Variants in PACSIN2 observed in about 807,000 individuals in gnomAD.
PACSIN2 encodes protein kinase C and casein kinase substrate in neurons 2, also known as protein kinase C and casein kinase substrate in neurons protein 2.
Under a neutral mutation model 63.8 loss-of-function variants are expected in PACSIN2, and 25 were observed. That is an observed-to-expected ratio of 0.39 (90% CI 0.29 to 0.55). The LOEUF is 0.55. Among genes scored for constraint, PACSIN2 ranks in the 20% least tolerant of loss-of-function variants. The pLI, the probability that PACSIN2 is intolerant of heterozygous loss-of-function variation, is 0.62. For missense variants in PACSIN2, 518 were observed against 646.9 expected (o/e 0.80, Z 2.16); for synonymous variants, 255 against 256.2 (o/e 1.00, Z 0.05).
At chr22:42,914,185 TCA>T (rs779124792) in intron 1 of PACSIN2, among the ~76,000 whole-genome samples, 1 of 152,150 alleles carries the variant, frequency 6.6e-6, no homozygotes, top group Non-Finnish European at 1.5e-5. Context: ...CCACTAGGAT[TCA>T]CAGAGGCTGG....
At chr22:42,949,548 C>T (rs979627399) in intron 1 of PACSIN2, among the ~76,000 whole-genome samples, 1 of 152,138 alleles carries the variant, frequency 6.6e-6, no homozygotes, top group Non-Finnish European at 1.5e-5. Context: ...AAATTAATGA[C>T]AATTCTTATT....
intron 1 of PACSIN2, among the ~76,000 whole-genome samples, chr22:42,921,399 A>G (rs1932188288): frequency 6.7e-6 from 1 of 149,464 alleles, no homozygotes; most frequent in Non-Finnish European, 1.5e-5. Flanking sequence ...CTGCATTTGG[A>G]GCCAAGCCAT....
At chr22:42,945,469 T>C (rs1211916360) in intron 1 of PACSIN2, among the ~76,000 whole-genome samples, 1 of 152,204 alleles carries the variant, frequency 6.6e-6, no homozygotes, top group Non-Finnish European at 1.5e-5. Flanking sequence ...CTCTGCCTAC[T>C]GGATGCCTCC....
At chr22:42,916,567 C>A (rs1931824079) in intron 1 of PACSIN2, among the ~76,000 whole-genome samples, 1 of 152,112 alleles carries the variant, frequency 6.6e-6, no homozygotes, top group South Asian at 2.1e-4. Flanking sequence ...CCGCACCAGC[C>A]TCAGCGTATG....
At chr22:42,883,452 A>G (rs940455728) in intron 6 of PACSIN2, among the ~76,000 whole-genome samples, 17 of 152,230 alleles carry the variant, frequency 1.1e-4, no homozygotes, top group Admixed American at 8.5e-4. Context: ...GTTCTGCTAG[A>G]TGGATGACAG....
intron 1 of PACSIN2, among the ~76,000 whole-genome samples, chr22:42,957,123 C>T (rs1933948831): frequency 6.6e-6 from 1 of 152,170 alleles, no homozygotes; most frequent in Non-Finnish European, 1.5e-5. Flanking sequence ...TCGCCTGGCT[C>T]ACCAAATGAA....
intron 1 of PACSIN2, among the ~76,000 whole-genome samples, chr22:42,925,464 A>T (rs1260557451): frequency 2.0e-5 from 3 of 151,238 alleles, no homozygotes. Flanking sequence ...TGGGCGACAG[A>T]GCAAGACTCC....
At chr22:42,926,152 GA>G (rs1932519530) in intron 1 of PACSIN2, among the ~76,000 whole-genome samples, 1 of 152,206 alleles carries the variant, frequency 6.6e-6, no homozygotes, top group South Asian at 2.1e-4. Flanking sequence ...AGAGATAAGA[GA>G]TCAGCAAATA....
intron 1 of PACSIN2, among the ~76,000 whole-genome samples, chr22:42,995,293 C>G (rs1255321307): frequency 1.3e-5 from 2 of 152,246 alleles, no homozygotes; most frequent in Non-Finnish European, 2.9e-5. Context: ...TAGAAGGAAG[C>G]AGAGCTACAA....
At chr22:42,957,143 T>A (rs1376916267) in intron 1 of PACSIN2, among the ~76,000 whole-genome samples, 7 of 152,122 alleles carry the variant, frequency 4.6e-5, no homozygotes, top group Non-Finnish European at 8.8e-5. Context: ...AAGCAGCACC[T>A]CTTTAAGGAG....
chr22:42,960,284 C>T (rs1212665557), intron 1 of PACSIN2, among the ~76,000 whole-genome samples: 2 of 152,164 alleles, frequency 1.3e-5, no homozygotes, highest in African/African-American at 4.8e-5. Flanking sequence ...CAGGGACTTG[C>T]TTGCACAGGA....
intron 1 of PACSIN2, among the ~76,000 whole-genome samples, chr22:42,947,675 T>TG (rs148517295): frequency 0.015 from 1,157 of 78,340 alleles, 5 homozygotes; most frequent in South Asian, 0.028. Context: ...CCCCTGGGGG[T>TG]GGGGGGGGGG....
chr22:42,960,809 T>A (rs773658322), intron 1 of PACSIN2, among the ~76,000 whole-genome samples: 31 of 152,314 alleles, frequency 2.0e-4, no homozygotes, highest in South Asian at 8.3e-4. Context: ...TTCACTGATA[T>A]GTACACTTGA....
intron 1 of PACSIN2, among the ~76,000 whole-genome samples, chr22:43,000,882 C>T (rs966836030): frequency 6.6e-6 from 1 of 152,224 alleles, no homozygotes; most frequent in African/African-American, 2.4e-5. Context: ...CCATGGCTTA[C>T]AGGTGGTCAG....
intron 1 of PACSIN2, among the ~76,000 whole-genome samples, chr22:42,961,982 G>C (rs59597739): frequency 3.9e-5 from 6 of 152,004 alleles, no homozygotes. Context: ...TTAAATCCAC[G>C]GCACCATCAC....
chr22:42,910,562 G>A (rs1211611659), intron 2 of PACSIN2, among the ~76,000 whole-genome samples: 4 of 152,218 alleles, frequency 2.6e-5, no homozygotes, highest in Non-Finnish European at 4.4e-5. Flanking sequence ...AAACCACGTC[G>A]TGTAACTGCT....
chr22:43,002,928 A>C (rs752600418), intron 1 of PACSIN2, among the ~76,000 whole-genome samples: 8 of 152,256 alleles, frequency 5.3e-5, no homozygotes, highest in Non-Finnish European at 1.0e-4. Flanking sequence ...TACAATTATA[A>C]CAATGTCAGT....
rs1396913398 is a variant in PACSIN2 at position 42,884,468 on chromosome 22, G to T, written c.703C>A (p.Gln235Lys). Residue 235 changes from glutamine to lysine, a missense_variant, in exon 6 of 11, where the codon CAG (glutamine) becomes AAG (lysine). By Grantham distance (53) the Gln-to-Lys change is moderately conservative (BLOSUM62 1). Around this residue, in one of 2 missense-constraint regions of PACSIN2, gnomAD observed 507 missense variants for 612.3 expected, o/e 0.83. Coordinates refer to ENST00000263246, the MANE Select transcript of PACSIN2 (RefSeq NM_001184970.3). ...AAGCGAAGGCGTTTCTCCTCGAACT[G>T]CTGGCACTGCTCAAACACCTGCTCC... ...NMEQVFEQCQ[Q>K]FEEKRLRFFR... 6.2e-7 allele frequency: 1 copy of T among 1,614,074 alleles called. No homozygotes were observed. Among genetic ancestry groups the T allele is most frequent in the South Asian group, 1.1e-5 (1 of 91,090 alleles).
At chr22:42,920,566 G>A (rs1932116112) in intron 1 of PACSIN2, among the ~76,000 whole-genome samples, 1 of 152,140 alleles carries the variant, frequency 6.6e-6, no homozygotes, top group Non-Finnish European at 1.5e-5. Context: ...CCAAAGGCCT[G>A]CTGAATTAAG....
Sources: gnomAD v4.1 joint callset for allele counts (sites outside exome capture counted in the v4.1 genomes callset) on GRCh38, gnomAD v4.1.1 for gene constraint, gnomAD v4.1.1 regional missense constraint, MANE v1.5 for transcripts, NCBI Gene and HGNC (gene_info 2026-07-23, HGNC 2026-07-21) for gene names.